The following GALNT13 variants were observed in gnomAD, a reference collection of about 807,000 sequenced individuals.
GALNT13 encodes the protein UDP-GalNAc:polypeptide N-acetylgalactosaminyltransferase 13.
A neutral mutation model predicts 64.2 loss-of-function variants in GALNT13; 28 were observed. The ratio of observed to expected loss-of-function variants is 0.44; its 90% CI spans 0.32 to 0.60. The LOEUF (loss-of-function observed/expected upper bound fraction) is 0.60, where lower values mean the gene tolerates loss of function less well. Ranked by LOEUF, GALNT13 falls within the 20% of genes least tolerant of loss-of-function variation. GALNT13 has a pLI of 0.05. For missense variants in GALNT13, 577 were observed against 669.8 expected, an observed-to-expected ratio of 0.86 and a Z score of 1.53; for synonymous variants, 214 against 224.6, an observed-to-expected ratio of 0.95 and a Z score of 0.42.
chr2:153,138,338 C>G, the GALNT13 span, among the ~76,000 whole-genome samples: 1 of 152,046 alleles, frequency 6.6e-6, no homozygotes, highest in South Asian at 2.1e-4. Context: ...TTTATACCTC[C>G]GAGTTTGCAG....
intron 11 of GALNT13, among the ~76,000 whole-genome samples, chr2:154,414,741 C>T (rs911372856): frequency 1.3e-5 from 2 of 151,802 alleles, no homozygotes; most frequent in South Asian, 4.1e-4. Context: ...TAAATATTAT[C>T]GCCCTGGTCA....
chr2:153,292,838 T>A, the GALNT13 span, among the ~76,000 whole-genome samples: 1 of 152,086 alleles, frequency 6.6e-6, no homozygotes, highest in Non-Finnish European at 1.5e-5. Context: ...CCGGTATAAT[T>A]CCCATCAGAC....
intron 3 of GALNT13, among the ~76,000 whole-genome samples, chr2:154,036,855 C>A (rs970071575): frequency 6.6e-6 from 1 of 151,880 alleles, no homozygotes; most frequent in African/African-American, 2.4e-5. Context: ...CTTTGTTCCA[C>A]CCAAGGAATT....
At chr2:153,683,281 T>C in the GALNT13 span, among the ~76,000 whole-genome samples, 3 of 151,710 alleles carry the variant, frequency 2.0e-5, no homozygotes, top group Non-Finnish European at 1.5e-5. Context: ...AGTATTAAAA[T>C]GAATAATACA....
chr2:153,814,465 GTAAA>G, the GALNT13 span, among the ~76,000 whole-genome samples: 48,900 of 147,436 alleles, frequency 0.33, 8,642 homozygotes, highest in Admixed American at 0.43. Flanking sequence ...AAGTAAGTAA[GTAAA>G]TAAATAAATA....
the GALNT13 span, among the ~76,000 whole-genome samples, chr2:153,816,740 A>G: frequency 1.3e-5 from 2 of 152,236 alleles, no homozygotes; most frequent in Non-Finnish European, 2.9e-5. Flanking sequence ...ATTTGTGGCA[A>G]GGTCAGATTT....
chr2:153,568,881 C>T, the GALNT13 span, among the ~76,000 whole-genome samples: 9 of 152,300 alleles, frequency 5.9e-5, no homozygotes, highest in African/African-American at 1.4e-4. Flanking sequence ...AAATCATGGA[C>T]ATAGAGTATG....
At chr2:153,614,304 A>G in the GALNT13 span, among the ~76,000 whole-genome samples, 13 of 152,224 alleles carry the variant, frequency 8.5e-5, no homozygotes, top group Middle Eastern at 6.8e-3. Flanking sequence ...TTAAATTGCA[A>G]TACTGTGGTG....
At chr2:153,558,155 C>T in the GALNT13 span, among the ~76,000 whole-genome samples, 1 of 152,186 alleles carries the variant, frequency 6.6e-6, no homozygotes, top group Non-Finnish European at 1.5e-5. Flanking sequence ...AGATTACATG[C>T]ATCATAAATA....
the GALNT13 span, among the ~76,000 whole-genome samples, chr2:153,379,662 CTG>C: frequency 2.6e-5 from 4 of 152,120 alleles, no homozygotes; most frequent in African/African-American, 9.7e-5. Flanking sequence ...TATTATTTAA[CTG>C]TGTTTAATAC....
chr2:153,173,768 C>T, the GALNT13 span, among the ~76,000 whole-genome samples: 1 of 152,160 alleles, frequency 6.6e-6, no homozygotes. Flanking sequence ...CATCTAAACA[C>T]TATCAAATCA....
At chr2:153,612,563 A>G in the GALNT13 span, among the ~76,000 whole-genome samples, 3 of 152,170 alleles carry the variant, frequency 2.0e-5, no homozygotes, top group African/African-American at 4.8e-5. Context: ...GAAAATAGTT[A>G]CAAGACATAT....
chr2:153,677,885 C>T, the GALNT13 span, among the ~76,000 whole-genome samples: 3 of 151,910 alleles, frequency 2.0e-5, no homozygotes, highest in Non-Finnish European at 2.9e-5. Flanking sequence ...ATCAACTCAA[C>T]TTGTATTAAA....
chr2:153,179,864 T>A, the GALNT13 span, among the ~76,000 whole-genome samples: 62,085 of 151,938 alleles, frequency 0.41, 13,212 homozygotes, highest in East Asian at 0.72. Flanking sequence ...ATACTACTAA[T>A]TTTTTTGTGT....
chr2:154,354,032 G>A lies in GALNT13; in HGVS notation c.1157-41959G>A, dbSNP rs111263721. On this transcript the variant is annotated intron_variant, in intron 9 of 12. Transcript: ENST00000392825. ...ACCAATCAACATTTTCACCAACAGT[G>A]TATAAGGGTTTTCTTCTCTCTACCC... 4.1e-3 allele frequency among the ~76,000 whole-genome samples: 626 copies of A among 152,238 alleles called. 11 individuals are homozygous for A. The highest frequency in any genetic ancestry group is 0.015 in the African/African-American group (604 of 41,552).
intron 8 of GALNT13, among the ~76,000 whole-genome samples, chr2:154,287,623 A>G (rs948408313): frequency 6.6e-6 from 1 of 151,800 alleles, no homozygotes; most frequent in South Asian, 2.1e-4. Flanking sequence ...CTTCAGCTCA[A>G]TAATTCCTGT....
At chr2:154,082,272 G>A (rs1356789112) in intron 3 of GALNT13, among the ~76,000 whole-genome samples, 3 of 151,650 alleles carry the variant, frequency 2.0e-5, no homozygotes, top group East Asian at 1.9e-4. Flanking sequence ...TGGCTTGGTG[G>A]TGTTGTCTTC....
intron 6 of GALNT13, among the ~76,000 whole-genome samples, chr2:154,245,105 A>AAAT (rs1189534481): frequency 0.033 from 58 of 1,750 alleles, no homozygotes; most frequent in Middle Eastern, 0.17. Context: ...GGCTCTGTCA[A>AAAT]AATAAATAAA....
At chr2:153,516,220 C>T in the GALNT13 span, among the ~76,000 whole-genome samples, 27 of 152,088 alleles carry the variant, frequency 1.8e-4, no homozygotes, top group Non-Finnish European at 3.4e-4. Flanking sequence ...TAGGCCTGAA[C>T]TGTTTAATAT....
Sources: allele counts gnomAD v4.1 joint callset (sites outside exome capture counted in the v4.1 genomes callset), GRCh38; gene constraint gnomAD v4.1.1; transcripts MANE v1.5; gene names NCBI Gene and HGNC (gene_info 2026-07-23, HGNC 2026-07-21).